The following RBM5 variants were observed in gnomAD, a reference collection of about 807,000 sequenced individuals.
The protein encoded by RBM5 is RNA-binding protein 5.
Under a neutral mutation model 124.6 loss-of-function variants are expected in RBM5, and 15 were observed. That is an observed-to-expected ratio of 0.12 (90% confidence interval 0.08 to 0.19). RBM5 has a LOEUF of 0.19. RBM5 is among the 10% of genes least tolerant of loss of function. The probability of loss-of-function intolerance (pLI) is 1.00; values close to 1 mark genes in which losing one functional copy is unlikely to be tolerated. For missense variants in RBM5, 580 were observed against 1,026.5 expected, an observed-to-expected ratio of 0.57 and a Z score of 5.94; for synonymous variants, 337 against 361.2, an observed-to-expected ratio of 0.93 and a Z score of 0.76.
At position 50,106,764 on chromosome 3, in the gene RBM5, C is replaced by T; in HGVS notation, c.856-3C>T. 1 of 1,591,148 alleles carries T rather than the reference C, an allele frequency of 6.3e-7. No homozygotes were observed. Among genetic ancestry groups the T allele is most frequent in the East Asian group, 2.2e-5 (1 of 44,756 alleles). ...CGTTTTTTTCCTTCACATTCTCCTT[C>T]AGGATGCTTCTCAGCTGCTTCAGAT... On this transcript the variant is annotated splice_region_variant and splice_polypyrimidine_tract_variant and intron_variant, in intron 10 of 24. Coordinates refer to ENST00000347869, the MANE Select transcript of RBM5 (RefSeq NM_005778.4).
chr3:50,109,639 C>T lies in RBM5; in HGVS notation c.1229C>T (p.Ser410Phe), dbSNP rs1181159544. 2 of 1,613,962 alleles carry T rather than the reference C, an allele frequency of 1.2e-6. No individual in the cohort carries two copies. Among genetic ancestry groups the T allele is most frequent in the Admixed American group, 1.7e-5 (1 of 60,000 alleles). ...ACCACCACCTCAGCGGCTGTAGTGT[C>T]CCAGAGTCCTCAGCTGTATAATCAA... ...AVTTTSAAVV[S>F]QSPQLYNQTS... Residue 410 changes from serine (S) to phenylalanine (F), a missense_variant, in exon 15 of 25, where the codon TCC becomes TTC. Transcript: ENST00000347869.
chr3:50,106,890 C>T (rs759715249), intron 11 of RBM5, 26 bp downstream of exon 11: 1 of 1,504,082 alleles, frequency 6.6e-7, no homozygotes, highest in South Asian at 1.1e-5. Context: ...GTCCTTATTT[C>T]AAACTACTGC....
chr3:50,113,587 G>T, intron 18 of RBM5, 43 bp downstream of exon 18: 1 of 1,554,200 alleles, frequency 6.4e-7, no homozygotes, highest in South Asian at 1.2e-5. Flanking sequence ...GTATTGGGCT[G>T]AACTCTTAGT....
chr3:50,106,918 G>C, intron 11 of RBM5, 54 bp downstream of exon 11: 1 of 1,394,670 alleles, frequency 7.2e-7, no homozygotes, highest in Non-Finnish European at 1.0e-6. Flanking sequence ...CATTTGTACA[G>C]TGTGCTAACT....
chr3:50,100,703 C>CT lies in RBM5; in HGVS notation c.483+106dup, dbSNP rs201247986. On this transcript the variant is annotated intron_variant, in intron 6 of 24. Transcript: ENST00000347869. This position sits in a 1 kb window ranked among gnomAD's most constrained non-coding sequence, Gnocchi z 5.1. ...GGAGTGGTTTGTTCCAAAGGAGTGA[C>CT]TTTTTTTTAAAAAAAAAGCTTTGTA... is the stretch of plus-strand genomic sequence containing the variant. 1.8e-4 allele frequency: 167 copies of CT among 923,346 alleles called. No individual in the cohort carries two copies. Among genetic ancestry groups the CT allele is most frequent in the African/African-American group, 2.9e-4 (17 of 59,260 alleles). 57.2% of individuals were successfully genotyped at this position (923,346 alleles called of 1,614,324 possible).
rs148165952 is a variant in RBM5 at position 50,090,550 on chromosome 3, G to A, written c.17+99G>A. On this transcript the variant is annotated intron_variant, in intron 2 of 24. Transcript: ENST00000347869. The stretch of plus-strand genomic sequence containing the variant: ...TCAAACTAATATATGAGTGTTTTGC[G>A]CCAGGCATTGCTAACGAACACCTTT... The A allele has an allele frequency of 1.2e-4, 165 of 1,375,348 alleles. 2 individuals are homozygous for A. In the Middle Eastern group the frequency reaches 2.7e-3, roughly 23 times the overall value. The allele number at this position is 1,375,348 out of a possible 1,614,324, so 85.2% of individuals were successfully genotyped here.
At chr3:50,112,409 C>CTAA (rs2091161914) in intron 17 of RBM5, among the ~76,000 whole-genome samples, 1 of 81,442 alleles carries the variant, frequency 1.2e-5, no homozygotes, top group Non-Finnish European at 2.2e-5. Flanking sequence ...GAGCGAGACT[C>CTAA]TGTCTAAAAA....
In RBM5 at chr3:50,095,973, G is replaced by A. The variant is rs560928254; in HGVS notation, c.339+2098G>A. 7.9e-5 allele frequency among the ~76,000 whole-genome samples: 12 copies of A among 152,250 alleles called. No individual in the cohort carries two copies. The East Asian group carries it at 1.4e-3, about 17-fold the overall frequency. On this transcript the variant is annotated intron_variant, in intron 4 of 24. Transcript: ENST00000347869. ...AGCTCAAAATAAGCATTGGATTCCC[G>A]TAGCTTTGGGTTTCTAAACCCTGGA...
chr3:50,106,285 C>T (rs981478544), intron 10 of RBM5, among the ~76,000 whole-genome samples: 10 of 151,850 alleles, frequency 6.6e-5, no homozygotes, highest in African/African-American at 1.5e-4. Flanking sequence ...GGATTACAGG[C>T]GCTCACCACC....
intron 21 of RBM5, 30 bp from the exon 22 acceptor site, chr3:50,115,876 C>T (rs1559698512): frequency 6.3e-7 from 1 of 1,576,648 alleles, no homozygotes; most frequent in Non-Finnish European, 8.7e-7. Context: ...GGTCTGAGTC[C>T]TTACTGTGTC....
intron 12 of RBM5, 40 bp from the exon 13 acceptor site, chr3:50,108,030 C>G (rs761975424): frequency 1.3e-6 from 2 of 1,525,664 alleles, no homozygotes; most frequent in South Asian, 2.2e-5. Context: ...TTCCTTAATG[C>G]CTACTAAGTT....
intron 17 of RBM5, among the ~76,000 whole-genome samples, chr3:50,111,817 A>G (rs945486837): frequency 1.3e-5 from 2 of 152,188 alleles, no homozygotes; most frequent in Non-Finnish European, 2.9e-5. Flanking sequence ...GGTGGCATAT[A>G]TAACTTTTAA....
Position 50,107,935 on chromosome 3 carries a change from G to A in RBM5, c.1042-135G>A, listed in dbSNP as rs1341386585. 29 of 739,438 alleles carry A rather than the reference G, an allele frequency of 3.9e-5. 1 individual carries two copies. Among genetic ancestry groups the A allele is most frequent in the South Asian group, 3.2e-4 (20 of 61,974 alleles). The allele number at this position is 739,438 out of a possible 1,614,324, so 45.8% of individuals were successfully genotyped here. ...TCCTGACCTCAGGTGATCCACCCAC[G>A]TCAGCCTCCCAAAGTGCTGGGATTA... On this transcript the variant is annotated intron_variant, in intron 12 of 24. Coordinates refer to ENST00000347869, the MANE Select transcript of RBM5 (RefSeq NM_005778.4).
At chr3:50,092,324 G>A in intron 3 of RBM5, 116 bp downstream of exon 3, 4 of 1,106,036 alleles carry the variant, frequency 3.6e-6, no homozygotes, top group East Asian at 2.6e-5. Context: ...CACTTTGGGA[G>A]GCCAAGGCGG....
At chr3:50,116,181 TGCACAAGGCAGAA>T (rs2091249115) in intron 22 of RBM5, 2 of 565,566 alleles carry the variant, frequency 3.5e-6, no homozygotes, top group East Asian at 6.0e-5. Context: ...ATCATAAGGG[TGCACAAGGCAGAA>T]GCACACTGCC....
chr3:50,099,943 CA>C, intron 4 of RBM5, 38 bp from the exon 5 acceptor site: 1 of 1,578,190 alleles, frequency 6.3e-7, no homozygotes, highest in Non-Finnish European at 8.7e-7. Flanking sequence ...TAGTGTGTGG[CA>C]AAAGCTTTAA....
At chr3:50,108,598 T>G (rs1221959932) in intron 14 of RBM5, among the ~76,000 whole-genome samples, 2 of 151,962 alleles carry the variant, frequency 1.3e-5, no homozygotes, top group Non-Finnish European at 1.5e-5. Flanking sequence ...TCCCAGCTAC[T>G]CAGGAGGCTG....
chr3:50,107,413 G>T, intron 11 of RBM5, 69 bp from the exon 12 acceptor site: 4 of 1,217,980 alleles, frequency 3.3e-6, no homozygotes, highest in South Asian at 1.2e-5. Context: ...TGAATCAGTT[G>T]GTGGTATAGG....
chr3:50,115,778 A>G (rs138645252), intron 21 of RBM5, 128 bp from the exon 22 acceptor site: 121 of 1,192,578 alleles, frequency 1.0e-4, no homozygotes, highest in African/African-American at 7.9e-4. Context: ...ACATCAAACT[A>G]TAGTTTTTAT....
Sources: gnomAD v4.1 joint callset for allele counts (sites outside exome capture counted in the v4.1 genomes callset) on GRCh38, gnomAD v4.1.1 for gene constraint, Gnocchi (gnomAD v3.1) non-coding constraint, MANE v1.5 for transcripts, NCBI Gene and HGNC (gene_info 2026-07-23, HGNC 2026-07-21) for gene names.